HERC1: variants seen among roughly 807,000 people sequenced by gnomAD.
HERC1 encodes probable E3 ubiquitin-protein ligase HERC1.
In HERC1, 160 loss-of-function variants were observed where a neutral mutation model predicts 554.3. The ratio of observed to expected loss-of-function variants is 0.29; its 90% CI spans 0.25 to 0.33. HERC1 has a LOEUF of 0.33. HERC1 is among the 10% of genes least tolerant of loss of function. HERC1 has a pLI of 1.00. For missense variants in HERC1, 4,919 were observed against 5,918.5 expected (o/e 0.83, Z 5.54); for synonymous variants, 2,175 against 2,131.7 (o/e 1.02, Z -0.56).
At chr15:63,781,841 T>C (rs1040130256) in intron 1 of HERC1, among the ~76,000 whole-genome samples, 3 of 152,156 alleles carry the variant, frequency 2.0e-5, no homozygotes, top group African/African-American at 7.2e-5. Context: ...AATGAATACA[T>C]AAATGATAAA....
intron 14 of HERC1, among the ~76,000 whole-genome samples, chr15:63,731,463 T>C (rs931760562): frequency 5.9e-5 from 9 of 152,240 alleles, no homozygotes; most frequent in Non-Finnish European, 1.2e-4. Context: ...TCCTTTCAAC[T>C]TTGTTGTAAC....
rs75053830 is a variant in HERC1, at chr15:63,684,495, C to T, written c.6225+1864G>A. ...TTTTGTGTGAAAACTCTTCCTCTTG[C>T]ATCCAACCCTTCTGGACAAAAAGGT... On this transcript the variant is annotated intron_variant, in intron 34 of 77. Transcript: ENST00000443617. Among the ~76,000 whole-genome samples, 1,082 of 152,316 alleles carry T rather than the reference C, an allele frequency of 7.1e-3. 13 individuals carry two copies. Among genetic ancestry groups the T allele is most frequent in the African/African-American group, 0.025 (1,042 of 41,568 alleles).
At chr15:63,687,111 G>A (rs1211292284) in intron 33 of HERC1, among the ~76,000 whole-genome samples, 1 of 137,688 alleles carries the variant, frequency 7.3e-6, no homozygotes, top group East Asian at 2.2e-4. Flanking sequence ...CTGACATTAG[G>A]GAGACCTACA....
rs145306352 is a variant in HERC1 at position 63,734,151 on chromosome 15, A to G, written c.2646+573T>C. Reference sequence around the variant, plus strand: ...CACCCTACTCCAGCGTGGATGACAGAGCAAGACTCTGTCTCCAAAAAAAGA... The same window carrying G: ...CACCCTACTCCAGCGTGGATGACAGGGCAAGACTCTGTCTCCAAAAAAAGA... On this transcript the variant is annotated intron_variant, in intron 13 of 77. Coordinates refer to ENST00000443617, the MANE Select transcript of HERC1 (RefSeq NM_003922.4). This position sits in a 1 kb window ranked among gnomAD's most constrained non-coding sequence, Gnocchi z 4.6. Among the ~76,000 whole-genome samples the G allele has an allele frequency of 3.7e-3, 558 of 152,312 alleles. 2 individuals are homozygous for G. Among genetic ancestry groups the G allele is most frequent in the Non-Finnish European group, 6.4e-3 (433 of 68,030 alleles).
At chr15:63,751,130 C>T (rs1342205679) in intron 8 of HERC1, among the ~76,000 whole-genome samples, 3 of 152,128 alleles carry the variant, frequency 2.0e-5, no homozygotes, top group African/African-American at 7.2e-5. Flanking sequence ...GTATCATATA[C>T]ACTCATGCAC....
At chr15:63,745,579 C>T (rs1332423160) in intron 12 of HERC1, among the ~76,000 whole-genome samples, 2 of 152,192 alleles carry the variant, frequency 1.3e-5, no homozygotes, top group African/African-American at 4.8e-5. Flanking sequence ...TGTGTTCTCC[C>T]TCCCCAAGCA....
chr15:63,699,124 G>A (rs191412492), intron 25 of HERC1, 128 bp from the exon 26 acceptor site: 13 of 778,528 alleles, frequency 1.7e-5, no homozygotes, highest in East Asian at 9.9e-5. Flanking sequence ...TTGAATACGC[G>A]CATGCATTAA....
intron 1 of HERC1, among the ~76,000 whole-genome samples, chr15:63,795,536 G>T (rs143993221): frequency 3.5e-4 from 54 of 152,118 alleles, no homozygotes; most frequent in African/African-American, 1.3e-3. Context: ...GATACAAAAG[G>T]TTCCTATTTT....
chr15:63,649,966 T>TA (rs2069582911), intron 53 of HERC1, 41 bp from the exon 54 acceptor site: 2 of 1,432,172 alleles, frequency 1.4e-6, no homozygotes, highest in East Asian at 2.5e-5. Flanking sequence ...ACTTAATTCT[T>TA]AAAAAGAAAA....
Position 63,734,998 on chromosome 15 carries a change from A to T in HERC1, c.2521-149T>A, listed in dbSNP as rs1388612394. On this transcript the variant is annotated intron_variant, in intron 12 of 77. Coordinates refer to ENST00000443617, the MANE Select transcript of HERC1 (RefSeq NM_003922.4). The surrounding 1 kb of genome is among the most constrained non-coding windows in gnomAD (Gnocchi z 4.6). ...AGAAAGCATGCAAGTCCTCCTTCAGATGTCTTTAAGAAGACTATGAATACA... is the reference window on the plus strand; with the variant it reads ...AGAAAGCATGCAAGTCCTCCTTCAGTTGTCTTTAAGAAGACTATGAATACA... 4.3e-5 allele frequency: 28 copies of T among 658,790 alleles called. No homozygotes were observed. Among genetic ancestry groups the T allele is most frequent in the Non-Finnish European group, 7.1e-5 (28 of 396,572 alleles). 40.8% of individuals were successfully genotyped at this position (658,790 alleles called of 1,614,324 possible).
chr15:63,717,248 G>A (rs62012363), intron 21 of HERC1, among the ~76,000 whole-genome samples: 35,861 of 152,092 alleles, frequency 0.24, 5,297 homozygotes, highest in Middle Eastern at 0.36. Context: ...TTTCAAATAT[G>A]AGCCTCAACA....
chr15:63,615,936 A>C lies in HERC1; in HGVS notation c.13942-16T>G. On this transcript the variant is annotated splice_polypyrimidine_tract_variant and intron_variant, in intron 75 of 77. Transcript: ENST00000443617. ...GAGGAATCATCTAGGAACAGAAGAA[A>C]ACAGAATTTTTATTACATGGTAGAA... is the stretch of plus-strand genomic sequence containing the variant. The C allele has an allele frequency of 6.4e-7, 1 of 1,565,718 alleles. No homozygotes were observed. The highest frequency in any genetic ancestry group is 2.3e-5 in the East Asian group (1 of 43,566).
rs757178884 is a variant in HERC1 at position 63,758,231 on chromosome 15, T to C, written c.1165A>G (p.Thr389Ala). The change falls in exon 4 of 78, where the codon ACA becomes GCA. Residue 389 changes from threonine to alanine, a missense_variant. By Grantham distance (58) the Thr-to-Ala change is moderately conservative. Coordinates refer to ENST00000443617, the MANE Select transcript of HERC1 (RefSeq NM_003922.4). This position sits in a 1 kb window ranked among gnomAD's most constrained non-coding sequence, Gnocchi z 4.0. ...SNSSHQLVEG[T>A]QEKILQPKLA... The stretch of plus-strand genomic sequence containing the variant: ...TTGGGTTGCAGTATTTTCTCCTGTG[T>C]ACCTTCTACCAACTGATGGCTGCTA... The C allele has an allele frequency of 5.0e-6, 8 of 1,613,754 alleles. No homozygotes were observed. Among genetic ancestry groups the C allele is most frequent in the Non-Finnish European group, 6.8e-6 (8 of 1,179,790 alleles).
intron 7 of HERC1, among the ~76,000 whole-genome samples, chr15:63,754,220 A>G (rs1311630383): frequency 2.0e-5 from 3 of 152,106 alleles, no homozygotes; most frequent in Admixed American, 2.0e-4. Context: ...GTCAAAACAT[A>G]TATAAACTTA....
rs1249552915 is a variant in HERC1, at chr15:63,826,820, T to A, written c.-27+7007A>T. Among the ~76,000 whole-genome samples, 541 of 87,486 alleles carry A rather than the reference T, an allele frequency of 6.2e-3. 4 individuals carry two copies. The highest frequency in any genetic ancestry group is 9.7e-3 in the Non-Finnish European group (438 of 44,994). The allele number at this position is 87,486 out of a possible 152,430, so 57.4% of individuals were successfully genotyped here. ...AAAAAAAAAAAAAAAAAAAAATATA[T>A]ATATATATATATATATATATATAAA... On this transcript the variant is annotated intron_variant, in intron 1 of 77. Coordinates refer to ENST00000443617, the MANE Select transcript of HERC1 (RefSeq NM_003922.4).
chr15:63,622,817 G>A lies in HERC1; in HGVS notation c.13686C>T (p.Asp4562=). 1.9e-6 allele frequency: 3 copies of A among 1,600,080 alleles called. No individual in the cohort carries two copies. The highest frequency in any genetic ancestry group is 1.1e-5 in the South Asian group (1 of 87,948). ...NATAEVGYNR[D]RFLFNPSACL... ...TGAACACTTGCTGACTGCCATACCT[G>A]TCCCTATTGTAACCCACTTCTGCGG... Residue 4562 remains aspartate (D), a splice_region_variant and synonymous_variant, in exon 74 of 78, where the codon GAC becomes GAT. Coordinates refer to ENST00000443617, the MANE Select transcript of HERC1 (RefSeq NM_003922.4).
At chr15:63,793,221 C>T (rs1596269933) in intron 1 of HERC1, among the ~76,000 whole-genome samples, 1 of 152,208 alleles carries the variant, frequency 6.6e-6, no homozygotes, top group Middle Eastern at 3.4e-3. Flanking sequence ...GGAGGTTAGG[C>T]ATTCTAAATC....
chr15:63,687,757 CA>C (rs978834865), intron 33 of HERC1, among the ~76,000 whole-genome samples: 1 of 152,246 alleles, frequency 6.6e-6, no homozygotes, highest in East Asian at 1.9e-4. Flanking sequence ...GGTGACACGA[CA>C]AAGAGTGTGT....
intron 22 of HERC1, 118 bp downstream of exon 22, chr15:63,716,184 G>A (rs2140313622): frequency 1.2e-6 from 1 of 861,470 alleles, no homozygotes; most frequent in Non-Finnish European, 1.8e-6. Flanking sequence ...ATCACCAGCA[G>A]AATATAAAGT....
Sources: gnomAD v4.1 joint callset for allele counts (sites outside exome capture counted in the v4.1 genomes callset) on GRCh38, gnomAD v4.1.1 for gene constraint, Gnocchi (gnomAD v3.1) non-coding constraint, MANE v1.5 for transcripts, NCBI Gene and HGNC (gene_info 2026-07-23, HGNC 2026-07-21) for gene names.